OSBPL10: variants seen among roughly 807,000 people sequenced by gnomAD.
OSBPL10 encodes the protein oxysterol-binding protein-related protein 10.
Under a neutral mutation model 81.7 loss-of-function variants are expected in OSBPL10, and 49 were observed. That is an observed-to-expected ratio of 0.60 (90% CI 0.48 to 0.76). The LOEUF (loss-of-function observed/expected upper bound fraction) is 0.76, where lower values mean the gene tolerates loss of function less well. Ranked by LOEUF, OSBPL10 falls within the 30% of genes least tolerant of loss-of-function variation. OSBPL10 has a pLI of 0.00. For missense variants in OSBPL10, 923 were observed against 987.8 expected (o/e 0.93, Z 0.88); for synonymous variants, 419 against 383.6 (o/e 1.09, Z -1.08).
chr3:31,828,013 T>C (rs1184265440), intron 4 of OSBPL10, among the ~76,000 whole-genome samples: 1 of 152,186 alleles, frequency 6.6e-6, no homozygotes, highest in Non-Finnish European at 1.5e-5. Context: ...CATTTTTTTT[T>C]CATACATACA....
chr3:31,758,754 A>G (rs369873028), intron 4 of OSBPL10, among the ~76,000 whole-genome samples: 1 of 152,346 alleles, frequency 6.6e-6, no homozygotes, highest in East Asian at 1.9e-4. Context: ...AGCAGCATGA[A>G]GCTCAATTGC....
At chr3:31,893,689 T>C (rs1173780636) in intron 1 of OSBPL10, among the ~76,000 whole-genome samples, 1 of 151,978 alleles carries the variant, frequency 6.6e-6, no homozygotes, top group Non-Finnish European at 1.5e-5. Context: ...GGCATACTAT[T>C]CAGCAATAAA....
chr3:31,951,103 C>T (rs1293621005), intron 1 of OSBPL10, among the ~76,000 whole-genome samples: 1 of 152,146 alleles, frequency 6.6e-6, no homozygotes, highest in Admixed American at 6.5e-5. Flanking sequence ...CTAACTTACA[C>T]ACAGCAGTAA....
intron 1 of OSBPL10, among the ~76,000 whole-genome samples, chr3:31,971,030 A>G (rs894425944): frequency 1.3e-5 from 2 of 151,392 alleles, no homozygotes; most frequent in Non-Finnish European, 2.9e-5. Flanking sequence ...TTTATTCCCA[A>G]GTGGAGCAGC....
chr3:31,871,173 T>C (rs1176921546), intron 3 of OSBPL10, among the ~76,000 whole-genome samples: 2 of 152,156 alleles, frequency 1.3e-5, no homozygotes, highest in Non-Finnish European at 2.9e-5. Context: ...GCAATAAATC[T>C]TGCTACTGCT....
intron 1 of OSBPL10, among the ~76,000 whole-genome samples, chr3:31,940,209 G>T (rs182718033): frequency 1.3e-5 from 2 of 152,156 alleles, no homozygotes; most frequent in Admixed American, 1.3e-4. Flanking sequence ...AGCAAACTGG[G>T]TGAACCCATA....
intron 11 of OSBPL10, chr3:31,662,539 T>C: frequency 6.0e-6 from 6 of 993,132 alleles, no homozygotes; most frequent in Non-Finnish European, 7.2e-6. Flanking sequence ...CAGCAGGCAG[T>C]AGTCACAAAC....
At chr3:31,735,584 A>AT (rs1697128665) in intron 5 of OSBPL10, among the ~76,000 whole-genome samples, 1 of 152,032 alleles carries the variant, frequency 6.6e-6, no homozygotes, top group South Asian at 2.1e-4. Context: ...TCACATCAGT[A>AT]TTTTTTTCCG....
chr3:31,901,839 A>G (rs1330025743), intron 1 of OSBPL10, among the ~76,000 whole-genome samples: 1 of 152,122 alleles, frequency 6.6e-6, no homozygotes, highest in Admixed American at 6.5e-5. Flanking sequence ...GGAGTTCAAG[A>G]TCAGCCTGGG....
At chr3:31,937,982 C>T (rs568974285) in intron 1 of OSBPL10, among the ~76,000 whole-genome samples, 2 of 152,282 alleles carry the variant, frequency 1.3e-5, no homozygotes, top group East Asian at 3.9e-4. Flanking sequence ...CTGTAACCTC[C>T]TTCTTGGTGT....
chr3:31,672,621 C>T (rs1368127300), intron 8 of OSBPL10, among the ~76,000 whole-genome samples: 2 of 152,098 alleles, frequency 1.3e-5, no homozygotes, highest in African/African-American at 4.8e-5. Flanking sequence ...CCTCTAATTG[C>T]CCATGCACTA....
At chr3:31,831,329 C>T (rs568450030) in intron 3 of OSBPL10, among the ~76,000 whole-genome samples, 1 of 151,896 alleles carries the variant, frequency 6.6e-6, no homozygotes, top group African/African-American at 2.4e-5. Flanking sequence ...TCACTTGAAC[C>T]CAGGAGGCGG....
chr3:31,846,421 C>G (rs1700633175), intron 3 of OSBPL10, among the ~76,000 whole-genome samples: 1 of 151,986 alleles, frequency 6.6e-6, no homozygotes, highest in Non-Finnish European at 1.5e-5. Context: ...GTCAGGAGTT[C>G]GAGATCAGTC....
intron 4 of OSBPL10, among the ~76,000 whole-genome samples, chr3:31,808,373 G>C (rs1699573762): frequency 6.6e-6 from 1 of 152,180 alleles, no homozygotes; most frequent in African/African-American, 2.4e-5. Flanking sequence ...GGGAGACTGA[G>C]GTCCCCAAAT....
chr3:31,752,403 T>A (rs1288445663), intron 4 of OSBPL10, among the ~76,000 whole-genome samples: 1 of 152,152 alleles, frequency 6.6e-6, no homozygotes, highest in Non-Finnish European at 1.5e-5. Flanking sequence ...GAGCCCCAAA[T>A]TAAATTTCAG....
chr3:31,990,297 C>T, intron 2 of OSBPL10: 1 of 1,614,026 alleles, frequency 6.2e-7, no homozygotes, highest in South Asian at 1.1e-5. Flanking sequence ...GTCACAAAGT[C>T]TTCAGTAATG....
chr3:32,011,142 C>T (rs1699252032), intron 2 of OSBPL10, among the ~76,000 whole-genome samples: 1 of 152,204 alleles, frequency 6.6e-6, no homozygotes, highest in South Asian at 2.1e-4. Flanking sequence ...CAGACTGCCT[C>T]CTCAAGTGGG....
At chr3:31,732,080 T>C (rs1022672809) in intron 6 of OSBPL10, among the ~76,000 whole-genome samples, 2 of 152,228 alleles carry the variant, frequency 1.3e-5, no homozygotes, top group African/African-American at 4.8e-5. Flanking sequence ...ACTAAAGATC[T>C]AATAACTCAC....
chr3:31,840,172 C>T (rs940875319), intron 3 of OSBPL10, among the ~76,000 whole-genome samples: 3 of 151,996 alleles, frequency 2.0e-5, no homozygotes, highest in African/African-American at 7.2e-5. Flanking sequence ...TATAAATGAT[C>T]ACTCTGGAAC....
Sources: gnomAD v4.1 joint callset for allele counts (sites outside exome capture counted in the v4.1 genomes callset) on GRCh38, gnomAD v4.1.1 for gene constraint, MANE v1.5 for transcripts, NCBI Gene and HGNC (gene_info 2026-07-23, HGNC 2026-07-21) for gene names.